ADGRV1: variants seen among roughly 807,000 people sequenced by gnomAD.
ADGRV1 encodes the protein G-protein coupled receptor 98.
In ADGRV1, 359 loss-of-function variants were observed where a neutral mutation model predicts 596.2. The ratio of observed to expected loss-of-function variants is 0.60; its 90% confidence interval spans 0.55 to 0.66. The LOEUF is 0.66. ADGRV1 is among the 30% of genes least tolerant of loss of function. The pLI, the probability that ADGRV1 is intolerant of heterozygous loss-of-function variation, is 0.00. For synonymous variants in ADGRV1, 2,681 were observed against 2,679.2 expected, an observed-to-expected ratio of 1.00 and a Z score of -0.02; for missense variants, 7,274 against 7,575.6, an observed-to-expected ratio of 0.96 and a Z score of 1.48.
chr5:90,631,737 G>A (rs1765524947), intron 9 of ADGRV1, among the ~76,000 whole-genome samples: 1 of 152,026 alleles, frequency 6.6e-6, no homozygotes, highest in African/African-American at 2.4e-5. Flanking sequence ...AGGGAGTCTG[G>A]ATCTGTGAAG....
rs530760942 is a variant in ADGRV1, at chr5:90,596,659, G to A, written c.23-18176G>A. Among the ~76,000 whole-genome samples, 21 of 152,248 alleles carry A rather than the reference G, an allele frequency of 1.4e-4. No individual in the cohort carries two copies. The South Asian group carries it at 2.9e-3, about 21-fold the overall frequency. ...ACGAAAACCAGTCAGGCGTGGCGGC[G>A]CGCGCCTGCAATTGCAGGCACTCCG... On this transcript the variant is annotated intron_variant, in intron 1 of 89. Coordinates refer to ENST00000405460, the MANE Select transcript of ADGRV1 (RefSeq NM_032119.4).
intron 83 of ADGRV1, among the ~76,000 whole-genome samples, chr5:90,875,158 A>T (rs1235538379): frequency 6.6e-6 from 1 of 152,136 alleles, no homozygotes; most frequent in Non-Finnish European, 1.5e-5. Flanking sequence ...TCACCACTGC[A>T]CTCTAGCCTG....
chr5:90,690,003 A>G lies in ADGRV1; in HGVS notation c.6633A>G (p.Gly2211=). 6.2e-7 allele frequency: 1 copy of G among 1,605,550 alleles called. No individual in the cohort carries two copies. The highest frequency in any genetic ancestry group is 8.5e-7 in the Non-Finnish European group (1 of 1,175,480). Residue 2211 remains glycine (G), a synonymous_variant, in exon 30 of 90, where the codon GGA becomes GGG. Coordinates refer to ENST00000405460, the MANE Select transcript of ADGRV1 (RefSeq NM_032119.4). ...TGCAACTGATGAATGAAACAACAGG[A>G]GGAGCCAGACTAGGGGCTTTAACAG... ...FLVQLMNETT[G]GARLGALTEA... is the part of the protein sequence containing the mutation.
Position 90,690,005 on chromosome 5 carries a change from G to A in ADGRV1, c.6635G>A (p.Gly2212Glu). The A allele has an allele frequency of 6.2e-7, 1 of 1,604,996 alleles. No homozygotes were observed. The highest frequency in any genetic ancestry group is 8.5e-7 in the Non-Finnish European group (1 of 1,175,236). ...LVQLMNETTG[G>E]ARLGALTEAV... The stretch of plus-strand genomic sequence containing the variant: ...CAACTGATGAATGAAACAACAGGAG[G>A]AGCCAGACTAGGGGCTTTAACAGAG... The change falls in exon 30 of 90, where the codon GGA becomes GAA. Residue 2212 changes from glycine to glutamate, a missense_variant. Coordinates refer to ENST00000405460, the MANE Select transcript of ADGRV1 (RefSeq NM_032119.4).
At chr5:90,847,227 T>C (rs1765977263) in intron 78 of ADGRV1, among the ~76,000 whole-genome samples, 1 of 150,666 alleles carries the variant, frequency 6.6e-6, no homozygotes, top group Non-Finnish European at 1.5e-5. Flanking sequence ...CTGATTGGTG[T>C]ATTTACAATC....
chr5:90,918,092 A>T (rs545915065), intron 83 of ADGRV1, among the ~76,000 whole-genome samples: 137 of 152,174 alleles, frequency 9.0e-4, no homozygotes, highest in Non-Finnish European at 1.5e-3. Flanking sequence ...GGCATATTAG[A>T]TCCTACGATC....
chr5:90,995,942 C>G (rs1781378797), intron 85 of ADGRV1, among the ~76,000 whole-genome samples: 1 of 152,114 alleles, frequency 6.6e-6, no homozygotes, highest in South Asian at 2.1e-4. Flanking sequence ...TTTTAAGCAG[C>G]AGAATGTTCA....
intron 85 of ADGRV1, among the ~76,000 whole-genome samples, chr5:91,003,161 A>G (rs1005225480): frequency 7.9e-5 from 12 of 152,136 alleles, no homozygotes; most frequent in Non-Finnish European, 1.3e-4. Context: ...GGTTGAAGGG[A>G]TGGACTGCTA....
Position 90,652,328 on chromosome 5 carries a change from C to A in ADGRV1, c.3417-18C>A, listed in dbSNP as rs1162377135. 5.3e-6 allele frequency: 8 copies of A among 1,523,770 alleles called. No individual in the cohort carries two copies. The highest frequency in any genetic ancestry group is 7.1e-6 in the Non-Finnish European group (8 of 1,126,512). 94.4% of individuals were successfully genotyped at this position (1,523,770 alleles called of 1,614,324 possible). The stretch of plus-strand genomic sequence containing the variant: ...GTAAGATTCACTACTTATAAATTTT[C>A]TTTAATTTATTTTGTAGGATTTTGA... On this transcript the variant is annotated intron_variant, in intron 18 of 89. Transcript: ENST00000405460.
At chr5:90,729,902 T>C (rs1752322927) in intron 50 of ADGRV1, 138 bp downstream of exon 50, 1 of 811,018 alleles carries the variant, frequency 1.2e-6, no homozygotes, top group Non-Finnish European at 1.9e-6. Context: ...GGTCTAGCTG[T>C]GTTGCCCAGG....
rs201382864 is a variant in ADGRV1 at position 90,789,793 on chromosome 5, G to T, written c.13985G>T (p.Gly4662Val). The change falls in exon 69 of 90, where the codon GGG (glycine) becomes GTG (valine). Residue 4662 changes from glycine (G) to valine (V), a missense_variant. Physicochemically the swap from Gly to Val is moderately radical, Grantham distance 109. This residue lies in a region of ADGRV1 where 4 missense variants were observed against 20.7 expected (regional missense o/e 0.19). Coordinates refer to ENST00000405460, the MANE Select transcript of ADGRV1 (RefSeq NM_032119.4). ...TATTCAGAGCCTCTGGCTCTGGAAG[G>T]GCCCCTGCTCATTACCTTCTTTGTC... ...KTYSEPLALE[G>V]PLLITFFVRR... is the part of the protein sequence containing the mutation. 1 of 1,535,544 alleles carries T rather than the reference G, an allele frequency of 6.5e-7. No individual in the cohort carries two copies. Among genetic ancestry groups the T allele is most frequent in the African/African-American group, 1.4e-5 (1 of 72,970 alleles).
intron 83 of ADGRV1, among the ~76,000 whole-genome samples, chr5:90,914,847 A>G (rs764218822): frequency 8.5e-5 from 13 of 152,182 alleles, no homozygotes; most frequent in Non-Finnish European, 1.5e-4. Flanking sequence ...ACAATGGAAT[A>G]TATGTTAATT....
rs993629385 is a variant in ADGRV1 at position 90,635,746 on chromosome 5, A to G, written c.2016+456A>G. On this transcript the variant is annotated intron_variant, in intron 10 of 89. Transcript: ENST00000405460. ...GCTGGGACTACAGGTCTGTGCCACCACTCCTGCCTATTTTTTCTTTGTATT... is the reference window on the plus strand; with the variant it reads ...GCTGGGACTACAGGTCTGTGCCACCGCTCCTGCCTATTTTTTCTTTGTATT... Among the ~76,000 whole-genome samples the G allele has an allele frequency of 4.0e-5, 6 of 151,036 alleles. No homozygotes were observed. In the South Asian group the frequency reaches 1.3e-3, roughly 32 times the overall value.
intron 1 of ADGRV1, among the ~76,000 whole-genome samples, chr5:90,574,145 C>T (rs1186833846): frequency 2.7e-5 from 4 of 150,550 alleles, no homozygotes; most frequent in South Asian, 2.1e-4. Context: ...GGCTCTTTTT[C>T]GGTTCCATGT....
At chr5:90,649,328 A>C (rs970593964) in intron 17 of ADGRV1, among the ~76,000 whole-genome samples, 7 of 151,706 alleles carry the variant, frequency 4.6e-5, no homozygotes, top group African/African-American at 7.3e-5. Context: ...TCTAGAAATA[A>C]GTTCTTGATG....
chr5:90,929,844 T>G (rs1360923044), intron 83 of ADGRV1, among the ~76,000 whole-genome samples: 5 of 152,220 alleles, frequency 3.3e-5, no homozygotes, highest in Admixed American at 2.6e-4. Context: ...GTAGATATGT[T>G]TCTTTTTTTC....
At chr5:90,768,450 C>T (rs16869104) in intron 59 of ADGRV1, among the ~76,000 whole-genome samples, 4,553 of 152,226 alleles carry the variant, frequency 0.03, 219 homozygotes, top group African/African-American at 0.1. Flanking sequence ...AGGTGGAAAT[C>T]GTTCTCATAG....
At chr5:90,874,571 A>G (rs1769034992) in intron 83 of ADGRV1, among the ~76,000 whole-genome samples, 1 of 151,962 alleles carries the variant, frequency 6.6e-6, no homozygotes, top group South Asian at 2.1e-4. Context: ...AATTTAAAAA[A>G]CTGGTTAAGG....
In ADGRV1 at chr5:90,756,622, G is replaced by A. The variant is rs1755860201; in HGVS notation, c.11749G>A (p.Val3917Ile). The change falls in exon 56 of 90, where the codon GTT becomes ATT. Residue 3917 changes from valine to isoleucine, a missense_variant. Physicochemically the swap from Val to Ile is conservative, Grantham distance 29 (BLOSUM62 3). Transcript: ENST00000405460. ...DDPRGIFMFH[V>I]TRGAGEVITA... Reference sequence around the variant, plus strand: ...TCCCAGAGGAATTTTTATGTTTCATGTTACTAGAGTGAGATGAACTTTCAT... The same window carrying A: ...TCCCAGAGGAATTTTTATGTTTCATATTACTAGAGTGAGATGAACTTTCAT... The A allele has an allele frequency of 6.2e-7, 1 of 1,612,354 alleles. No homozygotes were observed. Among genetic ancestry groups the A allele is most frequent in the African/African-American group, 1.3e-5 (1 of 75,002 alleles).
Sources: allele counts gnomAD v4.1 joint callset (sites outside exome capture counted in the v4.1 genomes callset), GRCh38; gene constraint gnomAD v4.1.1; regional missense constraint gnomAD v4.1.1; transcripts MANE v1.5; gene names NCBI Gene and HGNC (gene_info 2026-07-23, HGNC 2026-07-21).